Variants in HAUS6 observed in about 807,000 individuals in gnomAD.
The protein encoded by HAUS6 is HAUS augmin-like complex subunit 6.
HAUS6 carries 80 observed loss-of-function variants against 106.8 expected under a neutral mutation model. The ratio of observed to expected loss-of-function variants is 0.75; its 90% CI spans 0.63 to 0.90. HAUS6 has a LOEUF of 0.90. HAUS6 is among the 40% of genes least tolerant of loss of function. The pLI is 0.00. For missense variants in HAUS6, 1,155 were observed against 1,118.1 expected (o/e 1.03, Z -0.47); for synonymous variants, 356 against 379.1 (o/e 0.94, Z 0.71).
At chr9:19,095,744 T>C (rs1817847900) in intron 2 of HAUS6, among the ~76,000 whole-genome samples, 1 of 152,090 alleles carries the variant, frequency 6.6e-6, no homozygotes, top group Non-Finnish European at 1.5e-5. Flanking sequence ...TCAAAATAAA[T>C]TTGAACACTT....
chr9:19,072,494 T>C lies in HAUS6; in HGVS notation c.1295-2194A>G, dbSNP rs9407937. The stretch of plus-strand genomic sequence containing the variant: ...TGCCACTACACTCAAGCCTGGGTAA[T>C]AAAGACTCTGTCTCAAAAAAAAAAA... On this transcript the variant is annotated intron_variant, in intron 11 of 16. Transcript: ENST00000380502. Among the ~76,000 whole-genome samples, 136 of 143,740 alleles carry C rather than the reference T, an allele frequency of 9.5e-4. 1 individual carries two copies. Among genetic ancestry groups the C allele is most frequent in the African/African-American group, 3.3e-3 (129 of 38,780 alleles). The allele number at this position is 143,740 out of a possible 152,430, so 94.3% of individuals were successfully genotyped here.
chr9:19,070,491 C>A (rs1836862306), intron 11 of HAUS6, among the ~76,000 whole-genome samples, 191 bp from the exon 12 acceptor site: 1 of 152,134 alleles, frequency 6.6e-6, no homozygotes, highest in African/African-American at 2.4e-5. Context: ...TAGAGAACAT[C>A]TAGCTTTTAT....
intron 1 of HAUS6, among the ~76,000 whole-genome samples, chr9:19,101,781 G>A (rs768058531): frequency 2.6e-5 from 4 of 152,090 alleles, no homozygotes; most frequent in African/African-American, 4.8e-5. Flanking sequence ...TTGGTTGGGC[G>A]TGGTGGCAAG....
chr9:19,082,782 A>G, intron 8 of HAUS6, 91 bp downstream of exon 8: 5 of 718,828 alleles, frequency 7.0e-6, no homozygotes, highest in Non-Finnish European at 1.0e-5. Context: ...AAAACAAAAA[A>G]CAAATTCTGA....
chr9:19,077,927 G>A (rs984727030), intron 10 of HAUS6, among the ~76,000 whole-genome samples: 4 of 152,042 alleles, frequency 2.6e-5, no homozygotes, highest in African/African-American at 9.7e-5. Context: ...CAGGCTTGGT[G>A]GTGCAAACCT....
At chr9:19,077,119 C>G (rs111262719) in intron 10 of HAUS6, among the ~76,000 whole-genome samples, 1 of 152,138 alleles carries the variant, frequency 6.6e-6, no homozygotes, top group South Asian at 2.1e-4. Flanking sequence ...AGTGGGATGA[C>G]ATGTGTGAGC....
Position 19,058,979 on chromosome 9 carries a change from C to A in HAUS6, c.1788G>T (p.Trp596Cys). The A allele has an allele frequency of 3.8e-6, 6 of 1,592,082 alleles. No homozygotes were observed. Among genetic ancestry groups the A allele is most frequent in the Non-Finnish European group, 5.2e-6 (6 of 1,162,556 alleles). Residue 596 changes from tryptophan (W) to cysteine (C), a missense_variant, in exon 16 of 17, where the codon TGG becomes TGT. Around this residue, in one of 3 missense-constraint regions of HAUS6, gnomAD observed 14 missense variants for 33.2 expected, o/e 0.42. Coordinates refer to ENST00000380502, the MANE Select transcript of HAUS6 (RefSeq NM_017645.5). ...ENLITEIRSS[W>C]RKAIEMEENR... ...TTTCTTCCATTTCAATAGCTTTTCT[C>A]CATGAGCTCCTAATTTCAGTTACTA...
chr9:19,055,805 G>C lies in HAUS6; in HGVS notation c.*538C>G, dbSNP rs1296069669. ...CCTGAAGAATCATTAAGCCTGTTTAGAGCTTTTCCAGTCTTAAAATTTGTC... is the reference window on the plus strand; with the variant it reads ...CCTGAAGAATCATTAAGCCTGTTTACAGCTTTTCCAGTCTTAAAATTTGTC... On this transcript the variant is annotated 3_prime_UTR_variant, in exon 17 of 17. Transcript: ENST00000380502. The C allele has an allele frequency of 1.3e-5, 2 of 152,164 alleles. No homozygotes were observed. The highest frequency in any genetic ancestry group is 2.4e-5 in the African/African-American group (1 of 41,414). 9.4% of individuals were successfully genotyped at this position (152,164 alleles called of 1,614,324 possible).
chr9:19,061,283 C>A (rs1836612752), intron 14 of HAUS6, among the ~76,000 whole-genome samples: 1 of 152,208 alleles, frequency 6.6e-6, no homozygotes, highest in African/African-American at 2.4e-5. Context: ...TATCCCCTGT[C>A]ATAAACACTC....
At chr9:19,085,226 T>A (rs982662076) in intron 7 of HAUS6, among the ~76,000 whole-genome samples, 1 of 152,184 alleles carries the variant, frequency 6.6e-6, no homozygotes, top group African/African-American at 2.4e-5. Flanking sequence ...ATTTTCCAAG[T>A]CTAGATTTTT....
intron 7 of HAUS6, among the ~76,000 whole-genome samples, chr9:19,086,389 G>C (rs1211844868): frequency 6.6e-6 from 1 of 152,100 alleles, no homozygotes; most frequent in East Asian, 1.9e-4. Context: ...GGGAGGCCAA[G>C]GCATGCAGAT....
At position 19,102,793 on chromosome 9, in the gene HAUS6, C is replaced by T. The variant is rs1331180830; in HGVS notation, c.-142G>A. On this transcript the variant is annotated 5_prime_UTR_variant, in exon 1 of 17. Transcript: ENST00000380502. The stretch of plus-strand genomic sequence containing the variant: ...ACGCCTGCTCCTTTCACGCCCAGAG[C>T]GATTTCGCCTCAAAGGGCCTCACAA... 2.7e-6 allele frequency: 2 copies of T among 754,604 alleles called. No homozygotes were observed. The highest frequency in any genetic ancestry group is 4.1e-6 in the Non-Finnish European group (2 of 487,354). 46.7% of individuals were successfully genotyped at this position (754,604 alleles called of 1,614,324 possible). A position where few individuals can be genotyped will look rare whatever the true frequency, so the allele number is the denominator to read the frequency against.
intron 1 of HAUS6, among the ~76,000 whole-genome samples, chr9:19,098,452 A>AAG (rs1391042151): frequency 1.3e-5 from 2 of 151,756 alleles, no homozygotes; most frequent in Non-Finnish European, 2.9e-5. Flanking sequence ...AAAAAAAAAA[A>AAG]AAATTATATA....
intron 1 of HAUS6, among the ~76,000 whole-genome samples, chr9:19,101,961 T>C (rs555607975): frequency 6.6e-6 from 1 of 152,238 alleles, no homozygotes; most frequent in Non-Finnish European, 1.5e-5. Flanking sequence ...AATGATTAAA[T>C]AGAGATACTG....
At chr9:19,066,084 G>A (rs373908305) in intron 12 of HAUS6, among the ~76,000 whole-genome samples, 104 of 151,462 alleles carry the variant, frequency 6.9e-4, no homozygotes, top group African/African-American at 2.3e-3. Flanking sequence ...TACAGGTGCC[G>A]ACCACCACAC....
intron 11 of HAUS6, among the ~76,000 whole-genome samples, chr9:19,071,040 G>A (rs367862328): frequency 6.6e-6 from 1 of 152,258 alleles, no homozygotes; most frequent in South Asian, 2.1e-4. Context: ...ATATTCCAAG[G>A]GCTCGACCTC....
At chr9:19,102,313 C>T (rs1399180700) in intron 1 of HAUS6, among the ~76,000 whole-genome samples, 1 of 152,204 alleles carries the variant, frequency 6.6e-6, no homozygotes, top group Non-Finnish European at 1.5e-5. Flanking sequence ...CACTCCCCTA[C>T]AGAGCGCTTC....
Position 19,056,324 on chromosome 9 carries a change from A to G in HAUS6, c.*19T>C, listed in dbSNP as rs1364421237. 8.7e-7 allele frequency: 1 copy of G among 1,146,514 alleles called. No individual in the cohort carries two copies. The highest frequency in any genetic ancestry group is 1.3e-6 in the Non-Finnish European group (1 of 757,614). The allele number at this position is 1,146,514 out of a possible 1,614,324, so 71.0% of individuals were successfully genotyped here. ...GCTTCAATTTAAGTGCATCATAGTT[A>G]TATTAAATGGGTACGTCTTCATCTT... On this transcript the variant is annotated 3_prime_UTR_variant, in exon 17 of 17. Coordinates refer to ENST00000380502, the MANE Select transcript of HAUS6 (RefSeq NM_017645.5).
chr9:19,064,005 TTGCCCAGGCTAGAG>T (rs1564008653), intron 12 of HAUS6, among the ~76,000 whole-genome samples: 1 of 151,720 alleles, frequency 6.6e-6, no homozygotes, highest in Non-Finnish European at 1.5e-5. Context: ...TTCGCTCTTG[TTGCCCAGGCTAGAG>T]TGCAATGGCG....
Sources: gnomAD v4.1 joint callset for allele counts (sites outside exome capture counted in the v4.1 genomes callset) on GRCh38, gnomAD v4.1.1 for gene constraint, gnomAD v4.1.1 regional missense constraint, MANE v1.5 for transcripts, NCBI Gene and HGNC (gene_info 2026-07-23, HGNC 2026-07-21) for gene names.